The following MET variants were observed in gnomAD, a reference collection of about 807,000 sequenced individuals.
The protein encoded by MET is MET proto-oncogene, receptor tyrosine kinase.
A neutral mutation model predicts 133.1 loss-of-function variants in MET; 48 were observed. That is an observed-to-expected ratio of 0.36 (90% CI 0.29 to 0.46). The LOEUF is 0.46. Among genes scored for constraint, MET ranks in the 20% least tolerant of loss-of-function variants. MET has a pLI of 1.00. For missense variants in MET, 1,442 were observed against 1,695.9 expected (o/e 0.85, Z 2.63); for synonymous variants, 628 against 616.5 (o/e 1.02, Z -0.28).
intron 1 of MET, among the ~76,000 whole-genome samples, chr7:116,698,579 A>G (rs1797048080): frequency 6.6e-6 from 1 of 152,250 alleles, no homozygotes; most frequent in African/African-American, 2.4e-5. Context: ...AGCTAAATTT[A>G]GCCTAGTAAT....
chr7:116,747,727 A>T (rs1390326041), intron 5 of MET, among the ~76,000 whole-genome samples: 1 of 152,208 alleles, frequency 6.6e-6, no homozygotes, highest in Non-Finnish European at 1.5e-5. Context: ...GGAGACAGAA[A>T]GTTAACAAGG....
chr7:116,697,973 G>T (rs947485270), intron 1 of MET, among the ~76,000 whole-genome samples: 4 of 152,190 alleles, frequency 2.6e-5, no homozygotes, highest in African/African-American at 9.6e-5. Flanking sequence ...CATACCAGCT[G>T]CTCAGTGATT....
At chr7:116,753,110 A>G (rs1314265312) in intron 5 of MET, among the ~76,000 whole-genome samples, 1 of 152,248 alleles carries the variant, frequency 6.6e-6, no homozygotes, top group Non-Finnish European at 1.5e-5. Context: ...GCTTTAAGCT[A>G]AAACTTTAAA....
Position 116,796,678 on chromosome 7 carries a change from A to G in MET, c.*554A>G. 1 of 248,928 alleles carries G rather than the reference A, an allele frequency of 4.0e-6. No individual in the cohort carries two copies. The highest frequency in any genetic ancestry group is 7.9e-6 in the Non-Finnish European group (1 of 126,088). 15.4% of individuals were successfully genotyped at this position (248,928 alleles called of 1,614,324 possible). A position where few individuals can be genotyped will look rare whatever the true frequency, so the allele number is the denominator to read the frequency against. On this transcript the variant is annotated 3_prime_UTR_variant, in exon 21 of 21. Coordinates refer to ENST00000397752, the MANE Select transcript of MET (RefSeq NM_000245.4). ...TGAGACAGGATCTCACTCTGTTGCC[A>G]GGGCTGTAGTGCAGTGGTGTGATCA...
chr7:116,728,557 A>G (rs1218396634), intron 2 of MET, among the ~76,000 whole-genome samples: 1 of 152,156 alleles, frequency 6.6e-6, no homozygotes, highest in African/African-American at 2.4e-5. Context: ...TTCTCTGAGG[A>G]GACCCTTAGT....
At chr7:116,741,067 GTTTTTTT>G (rs112241458) in intron 5 of MET, 42 bp downstream of exon 5, 29 of 1,349,368 alleles carry the variant, frequency 2.1e-5, no homozygotes, top group Non-Finnish European at 2.9e-5. Flanking sequence ...TTTGTTTGGT[GTTTTTTT>G]TTTTTTTTTG....
At chr7:116,784,497 A>G (rs1370511341) in intron 19 of MET, among the ~76,000 whole-genome samples, 1 of 152,212 alleles carries the variant, frequency 6.6e-6, no homozygotes, top group East Asian at 1.9e-4. Flanking sequence ...CCCATAGCAG[A>G]AGGCAAAATA....
At chr7:116,779,848 T>C (rs768785167) in intron 17 of MET, among the ~76,000 whole-genome samples, 2 of 152,258 alleles carry the variant, frequency 1.3e-5, no homozygotes, top group Non-Finnish European at 2.9e-5. Context: ...CTTTTTACTT[T>C]TGAGTATGGC....
rs1281860482 is a variant in MET at position 116,740,027 on chromosome 7, G to C, written c.1470G>C (p.Val490=). 7.4e-6 allele frequency: 12 copies of C among 1,614,064 alleles called. No individual in the cohort carries two copies. The highest frequency in any genetic ancestry group is 2.2e-5 in the East Asian group (1 of 44,874). ...ACTCCCATCCAGTGTCTCCAGAAGT[G>C]ATTGTGGAGCATACATTAAACCAAA... ...LLDSHPVSPE[V]IVEHTLNQNG... Residue 490 remains valine (V), a synonymous_variant, in exon 4 of 21, where the codon GTG becomes GTC. Coordinates refer to ENST00000397752, the MANE Select transcript of MET (RefSeq NM_000245.4).
rs55985569 is a variant in MET, at chr7:116,699,588, G to T, written c.504G>T (p.Glu168Asp). Residue 168 changes from glutamate to aspartate, a missense_variant, in exon 2 of 21, where the codon GAG (glutamate) becomes GAT (aspartate). Coordinates refer to ENST00000397752, the MANE Select transcript of MET (RefSeq NM_000245.4). ...VHCIFSPQIEEPSQCPDCVVS... is the reference protein window; with the variant it reads ...VHCIFSPQIEDPSQCPDCVVS... ...GCATATTCTCCCCACAGATAGAAGA[G>T]CCCAGCCAGTGTCCTGACTGTGTGG... The T allele has an allele frequency of 6.5e-3, 10,512 of 1,613,976 alleles. 44 individuals carry two copies. The highest frequency in any genetic ancestry group is 8.2e-3 in the Non-Finnish European group (9,630 of 1,179,946).
chr7:116,680,202 G>T (rs1796299423), intron 1 of MET, among the ~76,000 whole-genome samples: 1 of 152,192 alleles, frequency 6.6e-6, no homozygotes, highest in East Asian at 1.9e-4. Flanking sequence ...TTTAATTGTA[G>T]ATGGCACTGT....
intron 10 of MET, 89 bp downstream of exon 10, chr7:116,759,579 T>G (rs748035435): frequency 6.9e-7 from 1 of 1,451,272 alleles, no homozygotes; most frequent in Non-Finnish European, 9.5e-7. Flanking sequence ...CATCTCAGTT[T>G]CGCCTTTAAG....
chr7:116,782,157 C>A, intron 18 of MET, 60 bp downstream of exon 18: 1 of 1,176,888 alleles, frequency 8.5e-7, no homozygotes, highest in Admixed American at 1.8e-5. Flanking sequence ...AATCTGTTTC[C>A]CACTGTTCAA....
chr7:116,773,789 A>G (rs139045186), intron 14 of MET, among the ~76,000 whole-genome samples: 1 of 152,176 alleles, frequency 6.6e-6, no homozygotes, highest in Non-Finnish European at 1.5e-5. Context: ...GGCCAAGTTC[A>G]TTTATTATTA....
At chr7:116,697,900 G>A (rs1481649459) in intron 1 of MET, among the ~76,000 whole-genome samples, 1 of 152,142 alleles carries the variant, frequency 6.6e-6, no homozygotes, top group Non-Finnish European at 1.5e-5. Context: ...CAGCCACATT[G>A]CAGCTTCACT....
At chr7:116,715,587 G>A (rs1792159335) in intron 2 of MET, among the ~76,000 whole-genome samples, 1 of 152,202 alleles carries the variant, frequency 6.6e-6, no homozygotes, top group Admixed American at 6.5e-5. Context: ...ATTTTGGGAA[G>A]ACATTATTCG....
intron 19 of MET, among the ~76,000 whole-genome samples, chr7:116,790,308 T>C (rs6978135): frequency 0.65 from 98,946 of 152,098 alleles, 33,977 homozygotes; most frequent in African/African-American, 0.9. Context: ...ACAATTCTAC[T>C]TTGTCTAAGA....
chr7:116,707,705 G>T (rs1202035096), intron 2 of MET, among the ~76,000 whole-genome samples: 5 of 152,112 alleles, frequency 3.3e-5, no homozygotes, highest in Admixed American at 2.6e-4. Flanking sequence ...AGATTAAATT[G>T]GTCTGTTAGC....
intron 2 of MET, among the ~76,000 whole-genome samples, chr7:116,721,465 G>GT (rs1357352399): frequency 2.6e-5 from 4 of 152,040 alleles, no homozygotes; most frequent in Non-Finnish European, 5.9e-5. Flanking sequence ...TTTTTGAAGG[G>GT]TTTTTTGTGT....
Sources: allele counts gnomAD v4.1 joint callset (sites outside exome capture counted in the v4.1 genomes callset), GRCh38; gene constraint gnomAD v4.1.1; transcripts MANE v1.5; gene names NCBI Gene and HGNC (gene_info 2026-07-23, HGNC 2026-07-21).